Variants in FRMD6 observed in about 807,000 individuals in gnomAD.
FRMD6 encodes the protein FERM domain containing 6.
A neutral mutation model predicts 73.2 loss-of-function variants in FRMD6; 37 were observed. The observed-to-expected ratio is 0.51, with a 90% CI of 0.39 to 0.66. FRMD6 has a LOEUF of 0.66. Ranked by LOEUF, FRMD6 falls within the 30% of genes least tolerant of loss-of-function variation. The pLI, the probability that FRMD6 is intolerant of heterozygous loss-of-function variation, is 0.00. For synonymous variants in FRMD6, 273 were observed against 282.2 expected (o/e 0.97, Z 0.33); for missense variants, 714 against 780.5 (o/e 0.91, Z 1.02).
the FRMD6 span, among the ~76,000 whole-genome samples, chr14:51,400,540 G>GA: frequency 6.6e-6 from 1 of 152,128 alleles, no homozygotes; most frequent in African/African-American, 2.4e-5. Flanking sequence ...ACTTTATCCA[G>GA]TCTTTCTAAA....
chr14:51,596,020 A>G lies in FRMD6; in HGVS notation c.-147+25610A>G, dbSNP rs187185822. Among the ~76,000 whole-genome samples, 11 of 152,314 alleles carry G rather than the reference A, an allele frequency of 7.2e-5. No individual in the cohort carries two copies. In the South Asian group the frequency reaches 2.1e-3, roughly 29 times the overall value. On this transcript the variant is annotated intron_variant, in intron 2 of 14. Transcript: ENST00000356218. ...AAATCATAGCCACCCGCTGTTTTCT[A>G]TAGTTATGAAATATTATAAGTCTTG...
chr14:51,514,945 T>C (rs781672596), intron 1 of FRMD6, among the ~76,000 whole-genome samples: 4 of 152,238 alleles, frequency 2.6e-5, no homozygotes, highest in Non-Finnish European at 5.9e-5. Flanking sequence ...TATTGCTTTT[T>C]GTGTGTGTTT....
chr14:51,413,275 C>T, the FRMD6 span, among the ~76,000 whole-genome samples: 4 of 152,168 alleles, frequency 2.6e-5, no homozygotes, highest in Admixed American at 1.3e-4. Flanking sequence ...TCGTCATTTA[C>T]ATTAGGTATT....
chr14:51,723,092 A>C (rs938068501), intron 12 of FRMD6, among the ~76,000 whole-genome samples: 1 of 152,182 alleles, frequency 6.6e-6, no homozygotes, highest in Non-Finnish European at 1.5e-5. Flanking sequence ...TCTGACCAAC[A>C]CTGACTCATT....
At chr14:51,549,105 G>C (rs4901137) in intron 1 of FRMD6, among the ~76,000 whole-genome samples, 126,583 of 152,202 alleles carry the variant, frequency 0.83, 52,958 homozygotes, top group African/African-American at 0.92. Flanking sequence ...TGGGAGACCA[G>C]GCTGTGAGGG....
At chr14:51,706,721 A>T (rs1896644857) in intron 6 of FRMD6, among the ~76,000 whole-genome samples, 1 of 152,016 alleles carries the variant, frequency 6.6e-6, no homozygotes, top group African/African-American at 2.4e-5. Context: ...GCTCAAGAAG[A>T]ACCTGGGAAT....
the FRMD6 span, among the ~76,000 whole-genome samples, chr14:51,464,468 G>T: frequency 4.6e-5 from 7 of 152,136 alleles, no homozygotes; most frequent in South Asian, 4.1e-4. Context: ...CCCTAACTTA[G>T]AACAGAGCAG....
intron 1 of FRMD6, among the ~76,000 whole-genome samples, chr14:51,550,035 G>C (rs1364601833): frequency 1.3e-5 from 2 of 152,168 alleles, no homozygotes; most frequent in Non-Finnish European, 2.9e-5. Flanking sequence ...TGGTGCCACA[G>C]TTGTATAGCC....
chr14:51,469,045 A>C, the FRMD6 span, among the ~76,000 whole-genome samples: 1 of 151,944 alleles, frequency 6.6e-6, no homozygotes, highest in East Asian at 2.0e-4. Context: ...GGTTCACACC[A>C]TTCTCCTGCC....
At chr14:51,486,689 G>A (rs1468948589), upstream of FRMD6, among the ~76,000 whole-genome samples, 1 of 152,180 alleles carries the variant, frequency 6.6e-6, no homozygotes, top group Non-Finnish European at 1.5e-5. Flanking sequence ...TCAATCACAA[G>A]ATGCCTATTT....
At chr14:51,451,306 C>T in the FRMD6 span, among the ~76,000 whole-genome samples, 4 of 152,178 alleles carry the variant, frequency 2.6e-5, no homozygotes, top group Admixed American at 6.5e-5. Context: ...GTATATGGGT[C>T]GTGGGGACAG....
At chr14:51,488,695 G>A (rs906732743), upstream of FRMD6, among the ~76,000 whole-genome samples, 1 of 152,230 alleles carries the variant, frequency 6.6e-6, no homozygotes, top group Non-Finnish European at 1.5e-5. Context: ...ACTGCCTGGA[G>A]TAAGAAAGCC....
At chr14:51,658,407 CTCTT>C (rs1892989953) in intron 1 of FRMD6, among the ~76,000 whole-genome samples, 1 of 124,784 alleles carries the variant, frequency 8.0e-6, no homozygotes, top group Non-Finnish European at 2.0e-5. Context: ...CTTGAGGTCC[CTCTT>C]GATTCACTCT....
chr14:51,569,982 A>C (rs1888028920), intron 1 of FRMD6, among the ~76,000 whole-genome samples: 1 of 151,750 alleles, frequency 6.6e-6, no homozygotes, highest in African/African-American at 2.4e-5. Context: ...CACTCGGCTA[A>C]TTTTATGTAT....
chr14:51,447,326 C>T, the FRMD6 span, among the ~76,000 whole-genome samples: 1 of 152,102 alleles, frequency 6.6e-6, no homozygotes, highest in African/African-American at 2.4e-5. Flanking sequence ...TCTGGAAGAG[C>T]TTTATCAGCC....
intron 1 of FRMD6, among the ~76,000 whole-genome samples, chr14:51,656,734 C>G (rs1408769732): frequency 6.6e-6 from 1 of 152,140 alleles, no homozygotes; most frequent in Admixed American, 6.5e-5. Flanking sequence ...TCTTGAATGT[C>G]TTTCCCCAGC....
At chr14:51,655,302 A>C (rs1383583001) in intron 1 of FRMD6, among the ~76,000 whole-genome samples, 2 of 152,182 alleles carry the variant, frequency 1.3e-5, no homozygotes, top group Non-Finnish European at 2.9e-5. Context: ...TCTTTGTATG[A>C]TTATATCATT....
At chr14:51,691,720 G>A (rs747398368) in intron 2 of FRMD6, among the ~76,000 whole-genome samples, 53 of 147,540 alleles carry the variant, frequency 3.6e-4, no homozygotes, top group Non-Finnish European at 5.2e-4. Context: ...TCAGCCTCCC[G>A]AGTAGCTGGG....
intron 1 of FRMD6, among the ~76,000 whole-genome samples, chr14:51,518,373 C>G (rs1397733261): frequency 2.0e-5 from 3 of 152,114 alleles, no homozygotes; most frequent in Non-Finnish European, 4.4e-5. Context: ...CTAAGGGCAG[C>G]GAAAAAGAAT....
Sources: allele counts gnomAD v4.1 joint callset (sites outside exome capture counted in the v4.1 genomes callset), GRCh38; gene constraint gnomAD v4.1.1; transcripts MANE v1.5; gene names NCBI Gene and HGNC (gene_info 2026-07-23, HGNC 2026-07-21).